Variants in SATL1 observed in about 807,000 individuals in gnomAD.
SATL1 encodes the protein spermidine/spermine N(1)-acetyltransferase-like protein 1.
Under a neutral mutation model 51.8 loss-of-function variants are expected in SATL1, and 47 were observed. That is an observed-to-expected ratio of 0.91 (90% CI 0.72 to 1.16). The LOEUF (loss-of-function observed/expected upper bound fraction) is 1.16. SATL1 is among the 50% of genes most tolerant of loss of function. The pLI is 0.00. For missense variants in SATL1, 520 were observed against 526.4 expected (o/e 0.99, Z 0.12); for synonymous variants, 176 against 182.4 (o/e 0.97, Z 0.28).
At chrX:85,212,727 A>G (rs1927955191) in intron 2 of SATL1, 1 of 111,168 alleles carries the variant, frequency 9.0e-6, no homozygotes, top group Non-Finnish European at 1.9e-5. Flanking sequence ...ACGTCTACCC[A>G]TCTTATGACT....
chrX:85,133,510 C>T (rs372735908), intron 2 of SATL1, among the ~76,000 whole-genome samples: 92 of 112,280 alleles, frequency 8.2e-4, no homozygotes, highest in Non-Finnish European at 1.4e-3. Flanking sequence ...ATTGGAAAAG[C>T]GCAGTGTTTA....
chrX:85,218,029 C>A (rs1602920890), intron 2 of SATL1, among the ~76,000 whole-genome samples: 1 of 111,234 alleles, frequency 9.0e-6, no homozygotes, highest in South Asian at 3.7e-4. Context: ...AAAACAAATA[C>A]TGCATGTTCT....
intron 4 of SATL1, 57 bp from the exon 5 acceptor site, chrX:85,095,053 T>G: frequency 1.6e-6 from 1 of 639,133 alleles, no homozygotes; most frequent in Non-Finnish European, 2.5e-6. Context: ...GAGAAGGAGA[T>G]GGTGGATAGG....
chrX:85,220,903 C>T (rs1001660386), intron 2 of SATL1, among the ~76,000 whole-genome samples: 3 of 110,479 alleles, frequency 2.7e-5, no homozygotes, highest in Admixed American at 9.6e-5. Context: ...TATGTCCCCT[C>T]TCCTACCATT....
chrX:85,219,981 T>C (rs1283274001), intron 2 of SATL1, among the ~76,000 whole-genome samples: 11 of 103,897 alleles, frequency 1.1e-4, no homozygotes, highest in Non-Finnish European at 2.0e-4. Flanking sequence ...AACTCCATGT[T>C]ACTGAAAGAA....
intron 2 of SATL1, among the ~76,000 whole-genome samples, chrX:85,146,866 C>T (rs1203094777): frequency 3.6e-5 from 4 of 112,589 alleles, no homozygotes; most frequent in Non-Finnish European, 7.5e-5. Flanking sequence ...GGAACAACTC[C>T]GGTCTACAGC....
At chrX:85,150,378 C>A (rs1350580297) in intron 2 of SATL1, among the ~76,000 whole-genome samples, 1 of 109,868 alleles carries the variant, frequency 9.1e-6, no homozygotes, top group Non-Finnish European at 1.9e-5. Flanking sequence ...CCGAATTCTA[C>A]CAGAGGTACA....
At chrX:85,185,872 C>CCCTCT (rs1318209168) in intron 2 of SATL1, among the ~76,000 whole-genome samples, 3 of 110,393 alleles carry the variant, frequency 2.7e-5, no homozygotes, top group African/African-American at 6.6e-5. Flanking sequence ...CTTTACTCTT[C>CCCTCT]CCTCTCCTCT....
intron 2 of SATL1, among the ~76,000 whole-genome samples, chrX:85,147,274 G>GC (rs1418969782): frequency 1.2e-5 from 1 of 84,470 alleles, no homozygotes; most frequent in Non-Finnish European, 2.5e-5. Context: ...GGGGAGGGGT[G>GC]CCCGCCATTG....
chrX:85,140,628 G>C, intron 2 of SATL1, among the ~76,000 whole-genome samples: 1 of 111,954 alleles, frequency 8.9e-6, no homozygotes, highest in East Asian at 2.8e-4. Context: ...TTTAATTGCA[G>C]TCCACACTGA....
chrX:85,204,703 T>C (rs1927757504), intron 2 of SATL1, among the ~76,000 whole-genome samples: 1 of 111,829 alleles, frequency 8.9e-6, no homozygotes, highest in Non-Finnish European at 1.9e-5. Context: ...TTTATTTCCT[T>C]GACTCACTTA....
intron 2 of SATL1, among the ~76,000 whole-genome samples, chrX:85,136,746 C>G (rs1231040384): frequency 8.9e-6 from 1 of 111,749 alleles, no homozygotes; most frequent in Non-Finnish European, 1.9e-5. Context: ...GGTAGCCCCA[C>G]AAATATTTTC....
intron 2 of SATL1, among the ~76,000 whole-genome samples, chrX:85,140,366 G>A (rs191402272): frequency 8.9e-6 from 1 of 111,931 alleles, no homozygotes; most frequent in East Asian, 2.8e-4. Context: ...ACAACCCTAA[G>A]AGGGTGGTAT....
chrX:85,182,457 T>C (rs1427275886), intron 2 of SATL1, among the ~76,000 whole-genome samples: 1 of 112,027 alleles, frequency 8.9e-6, no homozygotes. Flanking sequence ...TTCCATTGTG[T>C]ATACATACCA....
rs914987754 is a variant in SATL1 at position 85,120,672 on chromosome X, G to T, written c.-312-11392C>A. Among the ~76,000 whole-genome samples, 3 of 111,767 alleles carry T rather than the reference G, an allele frequency of 2.7e-5. No individual in the cohort carries two copies. In the East Asian group the frequency reaches 8.4e-4, roughly 31 times the overall value. ...TAATATCTTGAAACATTATCAAAAA[G>T]GTTTTTACAAGAAATATTGTGCTTA... On this transcript the variant is annotated intron_variant, in intron 2 of 7. Transcript: ENST00000644105.
Position 85,108,875 on chromosome X carries a change from T to A in SATL1, c.94A>T (p.Met32Leu), listed in dbSNP as rs1325511201. 17 of 1,211,894 alleles carry A rather than the reference T, an allele frequency of 1.4e-5. No individual in the cohort carries two copies. The highest frequency in any genetic ancestry group is 1.9e-5 in the Non-Finnish European group (17 of 895,512). Residue 32 changes from methionine (M) to leucine (L), a missense_variant, in exon 3 of 8, where the codon ATG becomes TTG. Met to Leu is a conservative substitution (Grantham distance 15). Transcript: ENST00000644105. The stretch of plus-strand genomic sequence containing the variant: ...CTTGCACTCCCTTGGTTCATGTCCA[T>A]TTGGTTCATACCAAGTGAGTTTGTG... Reference protein sequence around the residue: ...PSTNSLGMNQMDMNQGSASLY... With the variant: ...PSTNSLGMNQLDMNQGSASLY...
intron 4 of SATL1, among the ~76,000 whole-genome samples, chrX:85,095,367 T>TA (rs747670780): frequency 1.2e-4 from 13 of 111,883 alleles, no homozygotes; most frequent in Non-Finnish European, 2.4e-4. Flanking sequence ...TGTGTGTTGT[T>TA]ACTCTGATCA....
intron 3 of SATL1, among the ~76,000 whole-genome samples, chrX:85,105,029 C>T (rs1456901330): frequency 9.0e-6 from 1 of 111,446 alleles, no homozygotes; most frequent in East Asian, 2.8e-4. Context: ...TAATTACTTA[C>T]AGTTTTATAA....
intron 2 of SATL1, among the ~76,000 whole-genome samples, chrX:85,115,065 GGCT>G (rs1925351051): frequency 9.0e-6 from 1 of 111,722 alleles, no homozygotes; most frequent in East Asian, 2.8e-4. Flanking sequence ...GAGAAATGGA[GGCT>G]ACAGGAGGAA....
Sources: gnomAD v4.1 joint callset for allele counts (sites outside exome capture counted in the v4.1 genomes callset) on GRCh38, gnomAD v4.1.1 for gene constraint, MANE v1.5 for transcripts, NCBI Gene and HGNC (gene_info 2026-07-23, HGNC 2026-07-21) for gene names.